GPC6: variants seen among roughly 807,000 people sequenced by gnomAD.
GPC6 encodes glypican-6.
A neutral mutation model predicts 55.2 loss-of-function variants in GPC6; 14 were observed. That is an observed-to-expected ratio of 0.25 (90% confidence interval 0.17 to 0.40). GPC6 has a LOEUF of 0.40. Ranked by LOEUF, GPC6 falls within the 10% of genes least tolerant of loss-of-function variation. The pLI is 1.00. For missense variants in GPC6, 641 were observed against 708.5 expected, an observed-to-expected ratio of 0.90 and a Z score of 1.08; for synonymous variants, 278 against 259.6, an observed-to-expected ratio of 1.07 and a Z score of -0.68.
At chr13:94,218,140 TG>T (rs1476823455) in intron 4 of GPC6, among the ~76,000 whole-genome samples, 4 of 152,204 alleles carry the variant, frequency 2.6e-5, no homozygotes, top group Non-Finnish European at 5.9e-5. Flanking sequence ...ACTGCTATTT[TG>T]TAAGTGAAAC....
At chr13:94,246,836 C>T (rs897021182) in intron 4 of GPC6, among the ~76,000 whole-genome samples, 6 of 151,808 alleles carry the variant, frequency 4.0e-5, no homozygotes, top group African/African-American at 7.3e-5. Flanking sequence ...TTCACAGAAT[C>T]GTTGTGGCTA....
chr13:93,456,599 C>G (rs940721455), intron 1 of GPC6, among the ~76,000 whole-genome samples: 13 of 151,966 alleles, frequency 8.6e-5, no homozygotes, highest in African/African-American at 2.4e-5. Flanking sequence ...GGTGACTTAG[C>G]AGAAATTATA....
chr13:94,202,785 G>A (rs1273690814), intron 4 of GPC6, among the ~76,000 whole-genome samples: 3 of 152,174 alleles, frequency 2.0e-5, no homozygotes, highest in Non-Finnish European at 2.9e-5. Context: ...AGAGGGATGG[G>A]ATGGTATTTA....
chr13:93,377,502 G>T (rs559266243), intron 1 of GPC6, among the ~76,000 whole-genome samples: 1 of 152,286 alleles, frequency 6.6e-6, no homozygotes, highest in East Asian at 1.9e-4. Flanking sequence ...TGACTTAAAG[G>T]TTCAGGGTGG....
chr13:93,257,098 A>G (rs1002015315), intron 1 of GPC6, among the ~76,000 whole-genome samples: 4 of 152,066 alleles, frequency 2.6e-5, no homozygotes, highest in African/African-American at 7.2e-5. Context: ...TAAGGCTAGG[A>G]GTTCGAGACC....
intron 2 of GPC6, among the ~76,000 whole-genome samples, chr13:93,691,044 C>G (rs1394728382): frequency 6.6e-6 from 1 of 152,132 alleles, no homozygotes; most frequent in Non-Finnish European, 1.5e-5. Flanking sequence ...TTCAGCTTTA[C>G]TGTCCAGAGC....
At chr13:93,930,259 TTATTGGAAACGAAAGG>T (rs1878093137) in intron 3 of GPC6, among the ~76,000 whole-genome samples, 1 of 135,902 alleles carries the variant, frequency 7.4e-6, no homozygotes, top group African/African-American at 2.9e-5. Flanking sequence ...TTTTTAAAGG[TTATTGGAAACGAAAGG>T]TTTTTTTTTT....
chr13:93,965,985 T>C (rs1283714726), intron 3 of GPC6, among the ~76,000 whole-genome samples: 1 of 152,156 alleles, frequency 6.6e-6, no homozygotes, highest in African/African-American at 2.4e-5. Context: ...ATCAGCCCAA[T>C]ATCTCCTGCC....
At position 94,402,997 on chromosome 13, in the gene GPC6, T is replaced by G. The variant is rs757462045; in HGVS notation, c.1466-18T>G. 7 of 1,579,818 alleles carry G rather than the reference T, an allele frequency of 4.4e-6. No homozygotes were observed. In the Admixed American group the frequency reaches 1.2e-4, roughly 26 times the overall value. ...CATATCAGTGGTCTAACTTTCTTTT[T>G]CAATCTTTCCACACTAGGTGATGAA... On this transcript the variant is annotated intron_variant, in intron 8 of 8. Transcript: ENST00000377047.
At chr13:94,153,466 A>C (rs1057051182) in intron 4 of GPC6, among the ~76,000 whole-genome samples, 1 of 152,210 alleles carries the variant, frequency 6.6e-6, no homozygotes, top group East Asian at 1.9e-4. Context: ...GCACATTAAC[A>C]TAAAATGACT....
chr13:94,405,338 G>A lies in GPC6; in HGVS notation c.*2121G>A, dbSNP rs1183030715. 1 of 152,030 alleles carries A rather than the reference G, an allele frequency of 6.6e-6. No homozygotes were observed. The highest frequency in any genetic ancestry group is 1.9e-4 in the East Asian group (1 of 5,200). 9.4% of individuals were successfully genotyped at this position (152,030 alleles called of 1,614,324 possible). On this transcript the variant is annotated 3_prime_UTR_variant, in exon 9 of 9. Coordinates refer to ENST00000377047, the MANE Select transcript of GPC6 (RefSeq NM_005708.5). ...GCTTCCTACCACAAATTCCACATAA[G>A]ACTTCTCTATGAAGGACCAGTCATT... is the stretch of plus-strand genomic sequence containing the variant.
chr13:94,403,180 C>G lies in GPC6; in HGVS notation c.1631C>G (p.Thr544Ser), dbSNP rs370417193. ...RGHSLLSWSLTCIVLALQRLC... is the reference protein window; with the variant it reads ...RGHSLLSWSLSCIVLALQRLC... ...CACTCCCTGCTCTCCTGGTCTCTCA[C>G]CTGCATTGTCCTGGCACTGCAGAGA... is the stretch of plus-strand genomic sequence containing the variant. The change falls in exon 9 of 9, where the codon ACC becomes AGC. Residue 544 changes from threonine (T) to serine (S), a missense_variant. Transcript: ENST00000377047. 13 of 1,613,848 alleles carry G rather than the reference C, an allele frequency of 8.1e-6. No homozygotes were observed. In the African/African-American group the frequency reaches 1.7e-4, roughly 22 times the overall value.
chr13:93,841,490 T>G (rs1045810485), intron 3 of GPC6, among the ~76,000 whole-genome samples: 1 of 152,170 alleles, frequency 6.6e-6, no homozygotes, highest in African/African-American at 2.4e-5. Context: ...AATGGGTCAA[T>G]CTCAGATACT....
chr13:93,490,745 C>T (rs1352387256), intron 1 of GPC6, among the ~76,000 whole-genome samples: 32 of 121,580 alleles, frequency 2.6e-4, no homozygotes, highest in Non-Finnish European at 4.7e-4. Context: ...GTTCAATTCC[C>T]ACCCATGAGT....
chr13:94,376,373 A>G (rs963773460), intron 6 of GPC6, among the ~76,000 whole-genome samples: 12 of 150,502 alleles, frequency 8.0e-5, no homozygotes, highest in African/African-American at 2.9e-4. Context: ...AAATCAATGT[A>G]GAAAAATCAC....
intron 6 of GPC6, among the ~76,000 whole-genome samples, chr13:94,340,244 G>A (rs1290558152): frequency 6.6e-6 from 1 of 152,046 alleles, no homozygotes; most frequent in Non-Finnish European, 1.5e-5. Context: ...TTTAATTGTG[G>A]AGTAGTCATG....
intron 4 of GPC6, among the ~76,000 whole-genome samples, chr13:94,227,216 G>A (rs1222297043): frequency 6.6e-6 from 1 of 152,142 alleles, no homozygotes; most frequent in African/African-American, 2.4e-5. Flanking sequence ...TCATGAGAAA[G>A]TCCTTTCAAA....
chr13:93,739,707 G>C (rs1369075701), intron 2 of GPC6, among the ~76,000 whole-genome samples: 1 of 152,136 alleles, frequency 6.6e-6, no homozygotes, highest in Non-Finnish European at 1.5e-5. Context: ...GGGATTACAG[G>C]TGTGAACCAC....
At chr13:93,728,037 G>A (rs1883703578) in intron 2 of GPC6, among the ~76,000 whole-genome samples, 1 of 151,998 alleles carries the variant, frequency 6.6e-6, no homozygotes, top group Non-Finnish European at 1.5e-5. Context: ...GGTATTTTTG[G>A]TTTTGTTTTT....
Sources: gnomAD v4.1 joint callset for allele counts (sites outside exome capture counted in the v4.1 genomes callset) on GRCh38, gnomAD v4.1.1 for gene constraint, MANE v1.5 for transcripts, NCBI Gene and HGNC (gene_info 2026-07-23, HGNC 2026-07-21) for gene names.